The following EDEM1 variants were observed in gnomAD, a reference collection of about 807,000 sequenced individuals.
EDEM1 encodes ER degradation-enhancing alpha-mannosidase-like protein 1.
EDEM1 carries 67 observed loss-of-function variants against 74.4 expected under a neutral mutation model. The observed-to-expected ratio is 0.90, with a 90% confidence interval of 0.74 to 1.10. The LOEUF is 1.10. EDEM1 is among the 50% of genes least tolerant of loss of function. The probability of loss-of-function intolerance (pLI) is 0.00; values close to 1 mark genes in which losing one functional copy is unlikely to be tolerated. For missense variants in EDEM1, 926 were observed against 851.6 expected (o/e 1.09, Z -1.09); for synonymous variants, 382 against 335.9 (o/e 1.14, Z -1.50).
intron 8 of EDEM1, among the ~76,000 whole-genome samples, chr3:5,209,504 A>C (rs1359822051): frequency 6.6e-6 from 1 of 152,176 alleles, no homozygotes; most frequent in Non-Finnish European, 1.5e-5. Flanking sequence ...GTGCACTTTT[A>C]ATCTGGAGAC....
intron 8 of EDEM1, 33 bp from the exon 9 acceptor site, chr3:5,210,142 A>G: frequency 6.3e-7 from 1 of 1,591,826 alleles, no homozygotes; most frequent in South Asian, 1.1e-5. Context: ...TTCCAAGCCC[A>G]TGCTGGATCA....
chr3:5,188,502 G>A (rs1169363301), intron 1 of EDEM1, 188 bp downstream of exon 1: 3 of 550,890 alleles, frequency 5.4e-6, no homozygotes, highest in Non-Finnish European at 5.5e-6. Flanking sequence ...TGCGGGGTGG[G>A]CCGGTGGCCT....
intron 1 of EDEM1, among the ~76,000 whole-genome samples, chr3:5,192,890 A>T (rs1318555231): frequency 1.3e-5 from 2 of 152,068 alleles, no homozygotes; most frequent in Non-Finnish European, 2.9e-5. Context: ...ACTAGAGTGG[A>T]GAGAAGAAAC....
intron 11 of EDEM1, among the ~76,000 whole-genome samples, chr3:5,215,356 G>A (rs1299891699): frequency 6.6e-6 from 1 of 152,084 alleles, no homozygotes; most frequent in Non-Finnish European, 1.5e-5. Context: ...AGTTGTGAAT[G>A]AGAAAAACAT....
At position 5,218,094 on chromosome 3, in the gene EDEM1, C is replaced by G. The variant is rs1164246155; in HGVS notation, c.*2176C>G. On this transcript the variant is annotated 3_prime_UTR_variant, in exon 12 of 12. Coordinates refer to ENST00000256497, the MANE Select transcript of EDEM1 (RefSeq NM_014674.3). ...ATAGGGAATAGGGATCTCATGCTTG[C>G]AAACTACACAATGCTGCAGGTGCTT... 6.6e-6 allele frequency: 1 copy of G among 152,234 alleles called. No individual in the cohort carries two copies. Among genetic ancestry groups the G allele is most frequent in the Admixed American group, 6.5e-5 (1 of 15,274 alleles). 9.4% of individuals were successfully genotyped at this position (152,234 alleles called of 1,614,324 possible). A position where few individuals can be genotyped will look rare whatever the true frequency, so the allele number is the denominator to read the frequency against.
At position 5,201,628 on chromosome 3, in the gene EDEM1, G is replaced by T. The variant is rs2055035439; in HGVS notation, c.687-125G>T. On this transcript the variant is annotated intron_variant, in intron 3 of 11. Coordinates refer to ENST00000256497, the MANE Select transcript of EDEM1 (RefSeq NM_014674.3). ...GGAATTCAAGAGTCCATTAAGTCAG[G>T]TCTCTCTGACGTCAGGCAGTTCTGA... 15 of 1,070,624 alleles carry T rather than the reference G, an allele frequency of 1.4e-5. 1 individual carries two copies. The highest frequency in any genetic ancestry group is 2.1e-5 in the Non-Finnish European group (15 of 727,896). The allele number at this position is 1,070,624 out of a possible 1,614,324, so 66.3% of individuals were successfully genotyped here.
At chr3:5,199,085 A>G (rs1213592449) in intron 2 of EDEM1, among the ~76,000 whole-genome samples, 4 of 152,200 alleles carry the variant, frequency 2.6e-5, no homozygotes, top group South Asian at 2.1e-4. Flanking sequence ...TATTACCACT[A>G]TTTCTCAAAG....
intron 2 of EDEM1, 150 bp from the exon 3 acceptor site, chr3:5,199,442 G>T (rs1252587991): frequency 1.7e-6 from 1 of 581,346 alleles, no homozygotes; most frequent in East Asian, 3.0e-5. Context: ...TATATGCTAA[G>T]AAATAACTGC....
intron 3 of EDEM1, among the ~76,000 whole-genome samples, chr3:5,201,003 C>T (rs914524307): frequency 6.6e-6 from 1 of 150,968 alleles, no homozygotes; most frequent in African/African-American, 2.4e-5. Flanking sequence ...CTCAAGCGAT[C>T]CTCCCACCTC....
intron 10 of EDEM1, among the ~76,000 whole-genome samples, chr3:5,212,163 A>C (rs1559300517): frequency 6.6e-6 from 1 of 152,184 alleles, no homozygotes; most frequent in African/African-American, 2.4e-5. Flanking sequence ...GAAATCTGTC[A>C]TTTTGACAAG....
At position 5,187,901 on chromosome 3, in the gene EDEM1, C is replaced by T. The variant is rs2054844392; in HGVS notation, c.96C>T (p.Gly32=). The T allele has an allele frequency of 6.3e-7, 1 of 1,599,872 alleles. No homozygotes were observed. The highest frequency in any genetic ancestry group is 8.5e-7 in the Non-Finnish European group (1 of 1,175,470). The change falls in exon 1 of 12, where the codon GGC becomes GGT. Residue 32 remains glycine (G), a synonymous_variant. Transcript: ENST00000256497. ...WLVFGLGPSM[G]FYQRFPLSFG... is the part of the protein sequence containing the mutation. ...TCTTCGGGCTGGGGCCCAGCATGGGCTTCTACCAGCGCTTTCCGCTCAGCT... is the reference window on the plus strand; with the variant it reads ...TCTTCGGGCTGGGGCCCAGCATGGGTTTCTACCAGCGCTTTCCGCTCAGCT...
intron 10 of EDEM1, 167 bp downstream of exon 10, chr3:5,211,383 C>A (rs143745072): frequency 3.2e-6 from 2 of 629,646 alleles, no homozygotes; most frequent in African/African-American, 3.7e-5. Flanking sequence ...TATCTTCTTT[C>A]ATGGTTTCCA....
chr3:5,188,376 G>C (rs1199674294), intron 1 of EDEM1, 62 bp downstream of exon 1: 1 of 1,359,904 alleles, frequency 7.4e-7, no homozygotes, highest in East Asian at 3.1e-5. Context: ...CTCCGCGCCG[G>C]GGTGCAGCCC....
At chr3:5,202,071 T>TTTACATCATATTTAAG in intron 4 of EDEM1, 147 bp downstream of exon 4, 1 of 1,011,522 alleles carries the variant, frequency 9.9e-7, no homozygotes, top group Non-Finnish European at 1.4e-6. Context: ...GCCTTAAATA[T>TTTACATCATATTTAAG]GATGTAAATA....
intron 10 of EDEM1, among the ~76,000 whole-genome samples, chr3:5,212,542 T>G (rs929302241): frequency 9.8e-5 from 15 of 152,362 alleles, no homozygotes; most frequent in Admixed American, 3.3e-4. Flanking sequence ...GGAAAACCTG[T>G]GGTCTACCCT....
intron 1 of EDEM1, chr3:5,189,544 T>C (rs1014643148): frequency 6.6e-6 from 1 of 152,332 alleles, no homozygotes; most frequent in Non-Finnish European, 1.5e-5. Context: ...ATTTTCTATC[T>C]CAATTTTTTT....
intron 2 of EDEM1, 32 bp downstream of exon 2, chr3:5,195,313 T>A: frequency 7.1e-7 from 1 of 1,416,690 alleles, no homozygotes; most frequent in South Asian, 1.4e-5. Flanking sequence ...AAAAAATGAA[T>A]TAAGATGTTT....
At chr3:5,202,047 C>G in intron 4 of EDEM1, 123 bp downstream of exon 4, 1 of 1,252,584 alleles carries the variant, frequency 8.0e-7, no homozygotes, top group South Asian at 1.6e-5. Flanking sequence ...AAGCAGTGTC[C>G]TTAGAAGAAT....
chr3:5,196,171 T>C (rs1273239734), intron 2 of EDEM1, among the ~76,000 whole-genome samples: 1 of 152,168 alleles, frequency 6.6e-6, no homozygotes, highest in African/African-American at 2.4e-5. Context: ...GGAGATAGAA[T>C]TGGGGCCGGG....
Sources: gnomAD v4.1 joint callset for allele counts (sites outside exome capture counted in the v4.1 genomes callset) on GRCh38, gnomAD v4.1.1 for gene constraint, MANE v1.5 for transcripts, NCBI Gene and HGNC (gene_info 2026-07-23, HGNC 2026-07-21) for gene names.